Variants in PCLAF observed in about 807,000 individuals in gnomAD.
The protein encoded by PCLAF is PCNA-associated factor.
Under a neutral mutation model 15.1 loss-of-function variants are expected in PCLAF, and 12 were observed. That is an observed-to-expected ratio of 0.79 (90% CI 0.51 to 1.29). The LOEUF is 1.29. Among genes scored for constraint, PCLAF ranks in the 50% most tolerant of loss-of-function variants. The probability of loss-of-function intolerance (pLI) is 0.00; values close to 1 mark genes in which losing one functional copy is unlikely to be tolerated. For missense variants in PCLAF, 116 were observed against 130.9 expected (o/e 0.89, Z 0.56); for synonymous variants, 33 against 47.1 (o/e 0.70, Z 1.22).
chr15:64,381,158 C>T (rs1353055201), intron 1 of PCLAF, 120 bp from the exon 2 acceptor site: 19 of 1,201,648 alleles, frequency 1.6e-5, no homozygotes, highest in Non-Finnish European at 2.2e-5. Flanking sequence ...ATAACCTTAC[C>T]CTGCCCCTGC....
At chr15:64,370,966 CTTTTTT>C (rs11299642) in intron 3 of PCLAF, among the ~76,000 whole-genome samples, 1 of 77,328 alleles carries the variant, frequency 1.3e-5, no homozygotes, top group Admixed American at 1.6e-4. Context: ...ATTTCATGTT[CTTTTTT>C]TTTTTTTTTT....
chr15:64,381,883 A>G (rs940181993), upstream of PCLAF, among the ~76,000 whole-genome samples: 1 of 152,214 alleles, frequency 6.6e-6, no homozygotes, highest in African/African-American at 2.4e-5. Flanking sequence ...TTAGTCCCCC[A>G]GGCATGAACT....
chr15:64,370,531 C>A (rs1899246913), intron 3 of PCLAF, among the ~76,000 whole-genome samples: 7 of 151,890 alleles, frequency 4.6e-5, no homozygotes, highest in Admixed American at 4.6e-4. Flanking sequence ...CCAAGCCCAG[C>A]TAATTTTTGT....
chr15:64,370,628 C>T (rs1364192677), intron 3 of PCLAF, among the ~76,000 whole-genome samples: 2 of 151,306 alleles, frequency 1.3e-5, no homozygotes, highest in African/African-American at 4.9e-5. Context: ...CTTGGACTTT[C>T]AAAATGTTGG....
At chr15:64,370,602 TG>T (rs1461573679) in intron 3 of PCLAF, among the ~76,000 whole-genome samples, 1 of 151,630 alleles carries the variant, frequency 6.6e-6, no homozygotes, top group African/African-American at 2.4e-5. Flanking sequence ...CTCCTGACCT[TG>T]GGTGATCCAC....
At chr15:64,373,851 G>C in intron 3 of PCLAF, 1 of 1,308,000 alleles carries the variant, frequency 7.6e-7, no homozygotes, top group Non-Finnish European at 1.0e-6. Flanking sequence ...CCTACATCCA[G>C]ACAAGTACTT....
intron 3 of PCLAF, among the ~76,000 whole-genome samples, chr15:64,376,219 C>T (rs1344375728): frequency 4.0e-5 from 6 of 151,132 alleles, no homozygotes; most frequent in Admixed American, 3.3e-4. Context: ...AGCAAGACTC[C>T]GTCTCAGGAA....
chr15:64,374,636 G>A lies in PCLAF; in HGVS notation c.290+2107C>T, dbSNP rs568689460. Among the ~76,000 whole-genome samples, 18 of 152,142 alleles carry A rather than the reference G, an allele frequency of 1.2e-4. No individual in the cohort carries two copies. The East Asian group carries it at 1.5e-3, about 13-fold the overall frequency. ...AAGGCAAGTGGATTACTTGAGCTCC[G>A]GAGTTTGAGACCGGCCTAGGCAACG... is the stretch of plus-strand genomic sequence containing the variant. On this transcript the variant is annotated intron_variant, in intron 3 of 3. Transcript: ENST00000300035.
chr15:64,377,292 C>T (rs775409098), intron 2 of PCLAF, among the ~76,000 whole-genome samples: 3 of 149,664 alleles, frequency 2.0e-5, no homozygotes, highest in Non-Finnish European at 4.4e-5. Flanking sequence ...ATGGTGAAAC[C>T]CCCGTCTCTA....
chr15:64,371,776 T>C (rs866355876), intron 3 of PCLAF, among the ~76,000 whole-genome samples: 11 of 152,074 alleles, frequency 7.2e-5, no homozygotes, highest in Non-Finnish European at 1.0e-4. Context: ...TTTGTATTTT[T>C]AGTAGAGACC....
chr15:64,377,620 TTTAC>T (rs1349976011), intron 2 of PCLAF, among the ~76,000 whole-genome samples: 1 of 143,676 alleles, frequency 7.0e-6, no homozygotes. Flanking sequence ...GTGCCAACAT[TTTAC>T]TTACTAAGGT....
At chr15:64,381,648 G>A, upstream of PCLAF, 2 of 765,300 alleles carry the variant, frequency 2.6e-6, no homozygotes, top group Non-Finnish European at 4.0e-6. Context: ...CCAGGTGGGC[G>A]GTACCAGGAC....
In PCLAF at chr15:64,368,654, G is replaced by T. The variant is rs72758930; in HGVS notation, c.291-2579C>A. 2.3e-4 allele frequency among the ~76,000 whole-genome samples: 35 copies of T among 151,974 alleles called. 1 individual carries two copies. Among genetic ancestry groups the T allele is most frequent in the Admixed American group, 2.3e-3 (35 of 15,244 alleles). On this transcript the variant is annotated intron_variant, in intron 3 of 3. Coordinates refer to ENST00000300035, the MANE Select transcript of PCLAF (RefSeq NM_014736.6). ...ACTCATTTATTATTTCAATAAAGGGGTAATTACAATCCTCCTAAACAATGG... is the reference window on the plus strand; with the variant it reads ...ACTCATTTATTATTTCAATAAAGGGTTAATTACAATCCTCCTAAACAATGG...
intron 3 of PCLAF, among the ~76,000 whole-genome samples, chr15:64,376,425 C>T (rs1370785868): frequency 2.1e-4 from 32 of 151,986 alleles, no homozygotes; most frequent in Non-Finnish European, 1.5e-5. Context: ...CTCTGTCCCC[C>T]AGACTGGAGG....
upstream of PCLAF, among the ~76,000 whole-genome samples, chr15:64,385,770 T>C (rs941386568): frequency 6.6e-6 from 1 of 152,078 alleles, no homozygotes; most frequent in Non-Finnish European, 1.5e-5. Flanking sequence ...CTGCTCTCAA[T>C]GTGAGCGGGC....
upstream of PCLAF, among the ~76,000 whole-genome samples, chr15:64,384,738 TAAA>T (rs760374421): frequency 1.9e-5 from 2 of 103,556 alleles, no homozygotes; most frequent in Non-Finnish European, 4.1e-5. Flanking sequence ...CAAGAATGTC[TAAA>T]AAAAAAAAAA....
At chr15:64,371,315 G>A (rs2140522464) in intron 3 of PCLAF, among the ~76,000 whole-genome samples, 1 of 151,740 alleles carries the variant, frequency 6.6e-6, no homozygotes, top group Middle Eastern at 3.4e-3. Context: ...GGCTAGGCTA[G>A]AGTGCAGTAG....
At chr15:64,380,882 A>G (rs1566967680) in intron 2 of PCLAF, 76 bp downstream of exon 2, 1 of 1,319,510 alleles carries the variant, frequency 7.6e-7, no homozygotes, top group Non-Finnish European at 1.1e-6. Flanking sequence ...GTACCTCAAG[A>G]AAAAGAAATT....
Position 64,375,436 on chromosome 15 carries a change from G to A in PCLAF, c.290+1307C>T, listed in dbSNP as rs192723714. Among the ~76,000 whole-genome samples, 470 of 151,696 alleles carry A rather than the reference G, an allele frequency of 3.1e-3. 3 individuals are homozygous for A. Among genetic ancestry groups the A allele is most frequent in the Non-Finnish European group, 3.7e-3 (249 of 67,878 alleles). On this transcript the variant is annotated intron_variant, in intron 3 of 3. Coordinates refer to ENST00000300035, the MANE Select transcript of PCLAF (RefSeq NM_014736.6). ...TGTGCCAGGCCTATTTTTGAGACAGGTCCTCACTCTGCCACCCATGCTGGA... is the reference window on the plus strand; with the variant it reads ...TGTGCCAGGCCTATTTTTGAGACAGATCCTCACTCTGCCACCCATGCTGGA...
Sources: allele counts gnomAD v4.1 joint callset (sites outside exome capture counted in the v4.1 genomes callset), GRCh38; gene constraint gnomAD v4.1.1; transcripts MANE v1.5; gene names NCBI Gene and HGNC (gene_info 2026-07-23, HGNC 2026-07-21).